TENM3: variants seen among roughly 807,000 people sequenced by gnomAD.
TENM3 encodes the protein teneurin-3.
TENM3 carries 63 observed loss-of-function variants against 255.1 expected under a neutral mutation model. That is an observed-to-expected ratio of 0.25 (90% CI 0.20 to 0.30). The LOEUF is 0.30. TENM3 is among the 10% of genes least tolerant of loss of function. The pLI, the probability that TENM3 is intolerant of heterozygous loss-of-function variation, is 1.00. For synonymous variants in TENM3, 1,306 were observed against 1,322.3 expected, an observed-to-expected ratio of 0.99 and a Z score of 0.27; for missense variants, 2,929 against 3,461.1, an observed-to-expected ratio of 0.85 and a Z score of 3.86.
the TENM3 span, among the ~76,000 whole-genome samples, chr4:182,083,097 A>G: frequency 5.3e-5 from 8 of 152,260 alleles, no homozygotes; most frequent in Admixed American, 4.6e-4. Context: ...TTGAGTTAAC[A>G]CAAGTTAAAA....
intron 11 of TENM3, 75 bp downstream of exon 11, chr4:182,682,089 C>A (rs1159015406): frequency 1.0e-5 from 13 of 1,248,628 alleles, no homozygotes; most frequent in African/African-American, 1.5e-5. Flanking sequence ...ATCTTTAAAC[C>A]TCCCTTTTTA....
At chr4:181,916,971 A>T in the TENM3 span, among the ~76,000 whole-genome samples, 1 of 152,184 alleles carries the variant, frequency 6.6e-6, no homozygotes, top group Non-Finnish European at 1.5e-5. Context: ...AAAAAAATTT[A>T]ACATGTTCCA....
the TENM3 span, among the ~76,000 whole-genome samples, chr4:182,088,785 G>A: frequency 6.6e-6 from 1 of 151,696 alleles, no homozygotes; most frequent in Admixed American, 6.6e-5. Context: ...AATGAGCTGA[G>A]GTCGGGCCAC....
the TENM3 span, among the ~76,000 whole-genome samples, chr4:181,929,002 C>A: frequency 2.0e-5 from 3 of 152,128 alleles, no homozygotes; most frequent in African/African-American, 7.2e-5. Context: ...CACCACTAGG[C>A]CTACCTTACA....
the TENM3 span, among the ~76,000 whole-genome samples, chr4:181,903,213 A>G: frequency 6.6e-6 from 1 of 152,016 alleles, no homozygotes; most frequent in African/African-American, 2.4e-5. Flanking sequence ...TGATTTAAAA[A>G]AAAAACTCAA....
intron 1 of TENM3, among the ~76,000 whole-genome samples, chr4:182,244,790 A>G (rs1757534207): frequency 1.3e-5 from 2 of 152,210 alleles, no homozygotes. Flanking sequence ...CCAACTGTCC[A>G]GCTTTCTGAG....
At chr4:182,305,031 G>A (rs965018884) in intron 1 of TENM3, among the ~76,000 whole-genome samples, 62 of 152,020 alleles carry the variant, frequency 4.1e-4, no homozygotes, top group African/African-American at 1.5e-3. Flanking sequence ...GGAGACACAG[G>A]TGGATGGTAA....
chr4:182,408,686 G>C (rs914248859), intron 3 of TENM3, among the ~76,000 whole-genome samples: 1 of 152,172 alleles, frequency 6.6e-6, no homozygotes, highest in African/African-American at 2.4e-5. Flanking sequence ...TTAAAATAAA[G>C]AGTCATCCTT....
the TENM3 span, among the ~76,000 whole-genome samples, chr4:181,505,133 G>A: frequency 6.6e-6 from 1 of 152,162 alleles, no homozygotes; most frequent in East Asian, 1.9e-4. Context: ...TCGATATCAG[G>A]TGTGCTGTGA....
chr4:181,760,308 A>G, the TENM3 span, among the ~76,000 whole-genome samples: 10 of 152,140 alleles, frequency 6.6e-5, no homozygotes, highest in Non-Finnish European at 1.5e-4. Flanking sequence ...TAAATCTGCC[A>G]TAATTATTCC....
At chr4:182,058,685 A>G in the TENM3 span, among the ~76,000 whole-genome samples, 1 of 152,118 alleles carries the variant, frequency 6.6e-6, no homozygotes, top group South Asian at 2.1e-4. Flanking sequence ...AGAAATTAAT[A>G]AATCTCTAGG....
chr4:182,172,899 G>A (rs974386039), intron 1 of TENM3, among the ~76,000 whole-genome samples: 1 of 152,050 alleles, frequency 6.6e-6, no homozygotes, highest in Admixed American at 6.6e-5. Flanking sequence ...TTAGGAAATG[G>A]ATATGCCCAA....
intron 12 of TENM3, among the ~76,000 whole-genome samples, chr4:182,702,894 GC>G (rs11345732): frequency 0.088 from 13,350 of 152,016 alleles, 977 homozygotes; most frequent in African/African-American, 0.2. Context: ...CCACCACCAT[GC>G]CCGGCTAATT....
the TENM3 span, among the ~76,000 whole-genome samples, chr4:181,832,925 C>A: frequency 6.6e-6 from 1 of 152,144 alleles, no homozygotes; most frequent in Admixed American, 6.5e-5. Context: ...GATGAGGAAT[C>A]TTTACCAAAC....
the TENM3 span, among the ~76,000 whole-genome samples, chr4:181,943,014 C>T: frequency 2.2e-4 from 33 of 152,148 alleles, no homozygotes; most frequent in Non-Finnish European, 3.7e-4. Flanking sequence ...CAAAGAGGCA[C>T]ATAGATTATA....
chr4:181,990,207 A>G, the TENM3 span, among the ~76,000 whole-genome samples: 1 of 152,162 alleles, frequency 6.6e-6, no homozygotes, highest in Non-Finnish European at 1.5e-5. Context: ...TAGCCTAATC[A>G]CATGTTATAA....
intron 3 of TENM3, among the ~76,000 whole-genome samples, chr4:182,427,196 G>A (rs1409521956): frequency 6.6e-6 from 1 of 152,052 alleles, no homozygotes; most frequent in Admixed American, 6.6e-5. Context: ...CCAAATCTGT[G>A]TTGTTACTTT....
At chr4:181,732,458 G>A in the TENM3 span, among the ~76,000 whole-genome samples, 2 of 152,034 alleles carry the variant, frequency 1.3e-5, no homozygotes, top group Non-Finnish European at 2.9e-5. Context: ...AACAAAAAAG[G>A]TAGAATAAAA....
At chr4:181,773,158 G>T in the TENM3 span, among the ~76,000 whole-genome samples, 1 of 151,996 alleles carries the variant, frequency 6.6e-6, no homozygotes, top group African/African-American at 2.4e-5. Flanking sequence ...TCTTCTTCAG[G>T]TTAAGTCTCA....
Sources: gnomAD v4.1 joint callset for allele counts (sites outside exome capture counted in the v4.1 genomes callset) on GRCh38, gnomAD v4.1.1 for gene constraint, MANE v1.5 for transcripts, NCBI Gene and HGNC (gene_info 2026-07-23, HGNC 2026-07-21) for gene names.